Variants in CAMTA1 observed in about 807,000 individuals in gnomAD.
CAMTA1 encodes calmodulin binding transcription activator 1.
A neutral mutation model predicts 170.9 loss-of-function variants in CAMTA1; 27 were observed. The observed-to-expected ratio is 0.16, with a 90% CI of 0.12 to 0.22. The LOEUF is 0.22. Among genes scored for constraint, CAMTA1 ranks in the 10% least tolerant of loss-of-function variants. The pLI, the probability that CAMTA1 is intolerant of heterozygous loss-of-function variation, is 1.00. For missense variants in CAMTA1, 1,619 were observed against 2,217.2 expected, an observed-to-expected ratio of 0.73 and a Z score of 5.42; for synonymous variants, 833 against 891.5, an observed-to-expected ratio of 0.93 and a Z score of 1.17.
Position 7,499,251 on chromosome 1 carries a change from A to C in CAMTA1, c.510+31350A>C, listed in dbSNP as rs1384191496. ...TATGAGTGTGTGTGTGCATGTGTGT[A>C]CATGAGTGAGTGTGTAGAGAGGATG... On this transcript the variant is annotated intron_variant, in intron 6 of 22. Coordinates refer to ENST00000303635, the MANE Select transcript of CAMTA1 (RefSeq NM_015215.4). 1.7e-3 allele frequency among the ~76,000 whole-genome samples: 116 copies of C among 69,068 alleles called. 2 individuals carry two copies. Among genetic ancestry groups the C allele is most frequent in the Middle Eastern group, 0.019 (1 of 52 alleles). 45.3% of individuals were successfully genotyped at this position (69,068 alleles called of 152,430 possible). A position where few individuals can be genotyped will look rare whatever the true frequency, so the allele number is the denominator to read the frequency against.
chr1:7,232,287 C>G (rs555107888), intron 4 of CAMTA1, among the ~76,000 whole-genome samples: 762 of 1,774 alleles, frequency 0.43, 15 homozygotes, highest in Admixed American at 0.5. Flanking sequence ...GTGCTGCACA[C>G]GGCTGCCCCG....
intron 5 of CAMTA1, among the ~76,000 whole-genome samples, chr1:7,437,084 G>C (rs1176071977): frequency 6.6e-6 from 1 of 152,074 alleles, no homozygotes; most frequent in African/African-American, 2.4e-5. Flanking sequence ...GACAGCCGCA[G>C]GCAAGCAGAG....
intron 6 of CAMTA1, among the ~76,000 whole-genome samples, chr1:7,600,245 G>T (rs1209187015): frequency 6.6e-6 from 1 of 152,184 alleles, no homozygotes; most frequent in African/African-American, 2.4e-5. Flanking sequence ...GATTATGTTT[G>T]TTGATTTGCG....
intron 5 of CAMTA1, among the ~76,000 whole-genome samples, chr1:7,317,545 A>G (rs1001034951): frequency 3.9e-5 from 6 of 152,242 alleles, no homozygotes; most frequent in African/African-American, 1.2e-4. Context: ...AAAATTCCCA[A>G]TCAAAGGGCT....
In CAMTA1 at chr1:7,664,869, C is replaced by T. The variant is rs1363627181; in HGVS notation, c.2322C>T (p.Ser774=). Reference sequence around the variant, plus strand: ...ACATCTCCTTCAGCAACCAGTTCTCCGACCTGATCAACGACTTCATCTCCG... The same window carrying T: ...ACATCTCCTTCAGCAACCAGTTCTCTGACCTGATCAACGACTTCATCTCCG... ...HFDISFSNQF[S]DLINDFISVE... Residue 774 remains serine, a synonymous_variant, in exon 9 of 23, where the codon TCC becomes TCT. Coordinates refer to ENST00000303635, the MANE Select transcript of CAMTA1 (RefSeq NM_015215.4). 1.9e-5 allele frequency: 30 copies of T among 1,613,256 alleles called. No homozygotes were observed. The highest frequency in any genetic ancestry group is 2.2e-5 in the East Asian group (1 of 44,886).
At chr1:7,364,496 C>G (rs919847985) in intron 5 of CAMTA1, among the ~76,000 whole-genome samples, 4 of 150,990 alleles carry the variant, frequency 2.6e-5, no homozygotes, top group Non-Finnish European at 5.9e-5. Flanking sequence ...GTCACCCAGG[C>G]TGAAGTGCAG....
intron 5 of CAMTA1, among the ~76,000 whole-genome samples, chr1:7,296,344 G>A (rs775873147): frequency 6.6e-5 from 10 of 152,182 alleles, no homozygotes; most frequent in Admixed American, 2.0e-4. Flanking sequence ...ATCCCAACCT[G>A]TTTGGCTCCA....
chr1:7,056,728 TG>T (rs1707378404), intron 3 of CAMTA1, among the ~76,000 whole-genome samples: 1 of 147,746 alleles, frequency 6.8e-6, no homozygotes, highest in African/African-American at 2.5e-5. Context: ...GAGTTGGTGG[TG>T]GGGGGTGGGT....
chr1:7,421,298 G>A (rs1478434607), intron 5 of CAMTA1, among the ~76,000 whole-genome samples: 26 of 151,812 alleles, frequency 1.7e-4, no homozygotes, highest in African/African-American at 4.8e-5. Context: ...GATTACAGGC[G>A]CCCGCCACCA....
At chr1:7,719,176 A>G (rs2096633128) in intron 11 of CAMTA1, among the ~76,000 whole-genome samples, 1 of 152,034 alleles carries the variant, frequency 6.6e-6, no homozygotes, top group Admixed American at 6.6e-5. Context: ...TGGATTTGTT[A>G]CTTCACTGAC....
intron 3 of CAMTA1, among the ~76,000 whole-genome samples, chr1:6,983,553 C>A (rs975149735): frequency 2.0e-5 from 3 of 152,130 alleles, no homozygotes; most frequent in African/African-American, 7.2e-5. Flanking sequence ...ATGTTAATTT[C>A]TTTTGTATTA....
intron 6 of CAMTA1, 69 bp from the exon 7 acceptor site, chr1:7,640,331 T>C (rs1276055686): frequency 6.4e-7 from 1 of 1,572,384 alleles, no homozygotes; most frequent in African/African-American, 1.3e-5. Context: ...ACCTGCGGGG[T>C]TGGGGGCGGC....
At chr1:7,589,903 G>C (rs1310885484) in intron 6 of CAMTA1, among the ~76,000 whole-genome samples, 1 of 152,178 alleles carries the variant, frequency 6.6e-6, no homozygotes, top group Non-Finnish European at 1.5e-5. Context: ...TGGCTGTGTG[G>C]CTTCAGCCCT....
At chr1:6,840,408 G>A (rs1052485957) in intron 3 of CAMTA1, among the ~76,000 whole-genome samples, 13 of 152,164 alleles carry the variant, frequency 8.5e-5, no homozygotes, top group Middle Eastern at 3.2e-3. Flanking sequence ...GGTGGAGGGA[G>A]TGAGAAGTGG....
intron 5 of CAMTA1, among the ~76,000 whole-genome samples, chr1:7,408,489 A>G (rs1268608310): frequency 6.6e-6 from 1 of 152,098 alleles, no homozygotes; most frequent in Non-Finnish European, 1.5e-5. Flanking sequence ...AGCTGTCTCT[A>G]TGTCCTGAGC....
chr1:6,822,861 C>T (rs1646672852), intron 2 of CAMTA1, among the ~76,000 whole-genome samples: 1 of 151,902 alleles, frequency 6.6e-6, no homozygotes, highest in Non-Finnish European at 1.5e-5. Context: ...ATATACCGCA[C>T]AGTAGCTGGG....
chr1:7,026,635 C>CTTT (rs540196853), intron 3 of CAMTA1, among the ~76,000 whole-genome samples: 9 of 116,538 alleles, frequency 7.7e-5, no homozygotes, highest in Non-Finnish European at 1.2e-4. Context: ...TGGGTGGCTG[C>CTTT]TTTTTTTTTT....
Position 7,745,966 on chromosome 1 carries a change from T to C in CAMTA1, c.4492T>C (p.Phe1498Leu). Residue 1498 changes from phenylalanine to leucine, a missense_variant, in exon 18 of 23, where the codon TTC becomes CTC. Around this residue, in one of 8 missense-constraint regions of CAMTA1, gnomAD observed 370 missense variants for 429.4 expected, o/e 0.86. Transcript: ENST00000303635. The stretch of plus-strand genomic sequence containing the variant: ...TCCCTCCGCCGCGGATTGGTCAGAA[T>C]TCCTGAGTGCATCTACCAGTGAGAA... The part of the protein sequence containing the change: ...NLPSAADWSE[F>L]LSASTSEKVE... 6.2e-7 allele frequency: 1 copy of C among 1,614,246 alleles called. No homozygotes were observed. Among genetic ancestry groups the C allele is most frequent in the Non-Finnish European group, 8.5e-7 (1 of 1,180,038 alleles).
At chr1:6,942,485 C>G (rs992635279) in intron 3 of CAMTA1, among the ~76,000 whole-genome samples, 2 of 151,764 alleles carry the variant, frequency 1.3e-5, no homozygotes, top group African/African-American at 4.8e-5. Flanking sequence ...TAGTGAGACC[C>G]CTATTTCTAC....
Sources: allele counts gnomAD v4.1 joint callset (sites outside exome capture counted in the v4.1 genomes callset), GRCh38; gene constraint gnomAD v4.1.1; regional missense constraint gnomAD v4.1.1; transcripts MANE v1.5; gene names NCBI Gene and HGNC (gene_info 2026-07-23, HGNC 2026-07-21).